The following CHST9 variants were observed in gnomAD, a reference collection of about 807,000 sequenced individuals.
CHST9 encodes the protein GalNAc-4-sulfotransferase 2.
A neutral mutation model predicts 44.4 loss-of-function variants in CHST9; 41 were observed. The observed-to-expected ratio is 0.92, with a 90% confidence interval of 0.72 to 1.20. The LOEUF (loss-of-function observed/expected upper bound fraction) is 1.20, where lower values mean the gene tolerates loss of function less well. CHST9 is among the 50% of genes most tolerant of loss of function. CHST9 has a pLI of 0.00. For synonymous variants in CHST9, 171 were observed against 178.4 expected (o/e 0.96, Z 0.33); for missense variants, 504 against 516.5 (o/e 0.98, Z 0.23).
intron 2 of CHST9, among the ~76,000 whole-genome samples, chr18:27,049,395 T>C (rs11876110): frequency 0.13 from 19,503 of 152,150 alleles, 1,408 homozygotes; most frequent in Middle Eastern, 0.24. Context: ...AGTTCAGTGT[T>C]AGACCTACTG....
At chr18:26,942,939 C>G (rs1164242609) in intron 5 of CHST9, among the ~76,000 whole-genome samples, 1 of 152,014 alleles carries the variant, frequency 6.6e-6, no homozygotes, top group Non-Finnish European at 1.5e-5. Flanking sequence ...GAAACCTGGT[C>G]TCTACTAAAA....
At chr18:27,053,256 A>AAGAAGAAGAAAGAGAAGGAGAAGG (rs1568151140) in intron 2 of CHST9, among the ~76,000 whole-genome samples, 1 of 80,564 alleles carries the variant, frequency 1.2e-5, no homozygotes, top group African/African-American at 4.4e-5. Context: ...GAAGAAGAAG[A>AAGAAGAAGAAAGAGAAGGAGAAGG]AGAAGGAGAA....
intron 2 of CHST9, among the ~76,000 whole-genome samples, chr18:27,078,698 C>T (rs1178762285): frequency 6.6e-6 from 1 of 152,134 alleles, no homozygotes; most frequent in African/African-American, 2.4e-5. Flanking sequence ...ATTGGACTGT[C>T]TCTTCCATCT....
intron 2 of CHST9, among the ~76,000 whole-genome samples, chr18:27,117,270 T>C (rs780136705): frequency 2.1e-4 from 32 of 152,038 alleles, no homozygotes; most frequent in Non-Finnish European, 2.8e-4. Context: ...TTTAGAGTAG[T>C]TTTAGGTTCA....
At chr18:26,937,751 G>A (rs1050357851) in intron 5 of CHST9, among the ~76,000 whole-genome samples, 14 of 152,124 alleles carry the variant, frequency 9.2e-5, no homozygotes, top group South Asian at 2.1e-4. Flanking sequence ...GTTTAAGAGA[G>A]ATAATTTAAT....
chr18:27,043,436 AC>A (rs1282774297), intron 3 of CHST9, among the ~76,000 whole-genome samples: 4 of 151,862 alleles, frequency 2.6e-5, no homozygotes, highest in Non-Finnish European at 4.4e-5. Flanking sequence ...TCTCCACCAA[AC>A]TTGTCTCTCT....
At chr18:27,112,075 T>G (rs551306614) in intron 2 of CHST9, among the ~76,000 whole-genome samples, 1 of 149,172 alleles carries the variant, frequency 6.7e-6, no homozygotes, top group South Asian at 2.1e-4. Context: ...GATATATATT[T>G]TTATATATTT....
intron 4 of CHST9, among the ~76,000 whole-genome samples, chr18:27,001,529 A>C (rs747649512): frequency 2.0e-5 from 3 of 152,174 alleles, no homozygotes; most frequent in Non-Finnish European, 4.4e-5. Context: ...GTTAAGAGAG[A>C]AAAGAAGGTT....
chr18:26,919,226 A>G (rs572266059), intron 5 of CHST9, among the ~76,000 whole-genome samples: 71 of 152,244 alleles, frequency 4.7e-4, no homozygotes, highest in African/African-American at 1.7e-3. Flanking sequence ...GCCAAACCAT[A>G]TCACCCCCTG....
intron 2 of CHST9, among the ~76,000 whole-genome samples, chr18:27,075,155 TTTTG>T (rs1204978576): frequency 6.0e-5 from 8 of 133,496 alleles, no homozygotes; most frequent in Non-Finnish European, 8.3e-5. Flanking sequence ...GGGTTGCTTT[TTTTG>T]TTTGTTTTTT....
At chr18:27,144,342 T>C (rs1461441840) in intron 1 of CHST9, among the ~76,000 whole-genome samples, 1 of 152,068 alleles carries the variant, frequency 6.6e-6, no homozygotes, top group African/African-American at 2.4e-5. Flanking sequence ...CTGTGGGAAA[T>C]TGCTTGTCTG....
At chr18:27,176,595 T>C (rs558053005) in intron 1 of CHST9, among the ~76,000 whole-genome samples, 43 of 152,140 alleles carry the variant, frequency 2.8e-4, no homozygotes, top group African/African-American at 1.0e-3. Context: ...TTCTTTAAGA[T>C]AGACAAGAAG....
chr18:26,949,381 T>C (rs754445438), intron 4 of CHST9, among the ~76,000 whole-genome samples: 3 of 145,852 alleles, frequency 2.1e-5, no homozygotes, highest in Non-Finnish European at 3.0e-5. Context: ...ACCTCATCTC[T>C]ACTTTTTTTT....
At chr18:27,024,267 G>C (rs2057259053) in intron 3 of CHST9, 110 bp from the exon 4 acceptor site, 7 of 791,696 alleles carry the variant, frequency 8.8e-6, no homozygotes, top group Non-Finnish European at 2.0e-6. Context: ...TTTGTAACAA[G>C]GAAAATGATG....
intron 2 of CHST9, among the ~76,000 whole-genome samples, chr18:27,068,824 CA>C (rs1335894038): frequency 5.3e-5 from 8 of 152,178 alleles, no homozygotes. Flanking sequence ...TTCACATCGT[CA>C]TATGTATGAA....
intron 4 of CHST9, among the ~76,000 whole-genome samples, chr18:26,992,684 A>G (rs945836220): frequency 6.6e-6 from 1 of 151,976 alleles, no homozygotes; most frequent in Non-Finnish European, 1.5e-5. Flanking sequence ...TTTGGTATTG[A>G]CTAAATGGCC....
intron 2 of CHST9, among the ~76,000 whole-genome samples, chr18:27,064,666 T>C (rs2057762004): frequency 6.6e-6 from 1 of 152,200 alleles, no homozygotes; most frequent in South Asian, 2.1e-4. Context: ...TACAGGTTCC[T>C]TCTGGTGAGC....
At position 27,153,542 on chromosome 18, in the gene CHST9, C is replaced by CTGTG. The variant is rs1395670265; in HGVS notation, c.-96-10638_-96-10637insCACA. On this transcript the variant is annotated intron_variant, in intron 1 of 5. Transcript: ENST00000618847. ...TCTCTGTCTTTCTCTCTCTCTCTCTCTCTCTGTGTGTGTGTGTGTGTGTGT... is the reference window on the plus strand; with the variant it reads ...TCTCTGTCTTTCTCTCTCTCTCTCTCTGTGTCTCTGTGTGTGTGTGTGTGTGTGT... Among the ~76,000 whole-genome samples the CTGTG allele has an allele frequency of 4.2e-4, 41 of 98,432 alleles. No individual in the cohort carries two copies. In the Middle Eastern group the frequency reaches 0.017, roughly 40 times the overall value. 64.6% of individuals were successfully genotyped at this position (98,432 alleles called of 152,430 possible). A position where few individuals can be genotyped will look rare whatever the true frequency, so the allele number is the denominator to read the frequency against.
chr18:26,943,877 G>T (rs2056122128), intron 5 of CHST9, among the ~76,000 whole-genome samples: 1 of 152,222 alleles, frequency 6.6e-6, no homozygotes, highest in Admixed American at 6.5e-5. Context: ...CAGAATGGAA[G>T]ATCAACTTGT....
Sources: gnomAD v4.1 joint callset for allele counts (sites outside exome capture counted in the v4.1 genomes callset) on GRCh38, gnomAD v4.1.1 for gene constraint, MANE v1.5 for transcripts, NCBI Gene and HGNC (gene_info 2026-07-23, HGNC 2026-07-21) for gene names.